Variants in LARP4B observed in about 807,000 individuals in gnomAD.
LARP4B encodes La ribonucleoprotein 4B, also known as la-related protein 4B.
LARP4B carries 12 observed loss-of-function variants against 89.8 expected under a neutral mutation model. That is an observed-to-expected ratio of 0.13 (90% CI 0.09 to 0.22). The LOEUF (loss-of-function observed/expected upper bound fraction) is 0.22, where lower values mean the gene tolerates loss of function less well. Among genes scored for constraint, LARP4B ranks in the 10% least tolerant of loss-of-function variants. The pLI, the probability that LARP4B is intolerant of heterozygous loss-of-function variation, is 1.00. For synonymous variants in LARP4B, 367 were observed against 363.3 expected (o/e 1.01, Z -0.12); for missense variants, 757 against 947.7 (o/e 0.80, Z 2.64).
At chr10:910,630 C>T (rs981828668) in intron 1 of LARP4B, among the ~76,000 whole-genome samples, 6 of 152,280 alleles carry the variant, frequency 3.9e-5, no homozygotes, top group Middle Eastern at 3.4e-3. Context: ...TGAAGAGTTC[C>T]GCAGACAACT....
intron 1 of LARP4B, among the ~76,000 whole-genome samples, chr10:902,470 T>C (rs1836370505): frequency 6.6e-6 from 1 of 152,164 alleles, no homozygotes. Flanking sequence ...AGTTGACAAC[T>C]ACATTAGGAG....
Position 822,301 on chromosome 10 carries a change from G to A in LARP4B, c.1485-1456C>T, listed in dbSNP as rs535817285. On this transcript the variant is annotated intron_variant, in intron 13 of 17. Coordinates refer to ENST00000316157, the MANE Select transcript of LARP4B (RefSeq NM_015155.3). This position sits in a 1 kb window ranked among gnomAD's most constrained non-coding sequence, Gnocchi z 4.6. ...CTTGCCCAGAGGCATTGCCCTGAGC[G>A]CTGGACAGAGGGACAGCAGCCACAT... is the stretch of plus-strand genomic sequence containing the variant. Among the ~76,000 whole-genome samples the A allele has an allele frequency of 3.9e-5, 6 of 152,330 alleles. No individual in the cohort carries two copies. Among genetic ancestry groups the A allele is most frequent in the East Asian group, 3.9e-4 (2 of 5,170 alleles).
chr10:870,024 C>T, intron 3 of LARP4B: 2 of 984,692 alleles, frequency 2.0e-6, no homozygotes, highest in Non-Finnish European at 2.4e-6. Context: ...AACTGTCCGT[C>T]TCTATCATGC....
intron 7 of LARP4B, 74 bp from the exon 8 acceptor site, chr10:836,580 A>G (rs1469926583): frequency 2.3e-6 from 2 of 851,536 alleles, no homozygotes; most frequent in African/African-American, 1.7e-5. Context: ...GTGTTACATT[A>G]TATTACTATA....
At chr10:815,110 C>A in intron 15 of LARP4B, 40 bp from the exon 16 acceptor site, 1 of 1,517,422 alleles carries the variant, frequency 6.6e-7, no homozygotes. Flanking sequence ...GTCCTGCCGG[C>A]ACTAAGCGGA....
chr10:987,515 C>T, the LARP4B span: 2 of 152,326 alleles, frequency 1.3e-5, no homozygotes, highest in South Asian at 2.1e-4. Context: ...TGCACAACCA[C>T]GGGGTGCTTT....
At chr10:956,131 A>G in the LARP4B span, among the ~76,000 whole-genome samples, 2 of 152,046 alleles carry the variant, frequency 1.3e-5, no homozygotes, top group Non-Finnish European at 2.9e-5. This position sits in a 1 kb window ranked among gnomAD's most constrained non-coding sequence, Gnocchi z 4.3. Context: ...CTGGGAGCTG[A>G]CTCAGATGGC....
At position 817,845 on chromosome 10, in the gene LARP4B, T is replaced by C; in HGVS notation, c.1575A>G (p.Pro525=). ...AGCTGGACAGCCCCAGCTCGAAGCTTGGCGACGGAGGCTTTGGTGGCGTTG... is the reference window on the plus strand; with the variant it reads ...AGCTGGACAGCCCCAGCTCGAAGCTCGGCGACGGAGGCTTTGGTGGCGTTG... ...QSPTPPKPPS[P]SFELGLSSFP... is the part of the protein sequence containing the mutation. Residue 525 remains proline (P), a synonymous_variant, in exon 15 of 18, where the codon CCA becomes CCG. Transcript: ENST00000316157. The C allele has an allele frequency of 6.2e-7, 1 of 1,614,168 alleles. No homozygotes were observed. Among genetic ancestry groups the C allele is most frequent in the Non-Finnish European group, 8.5e-7 (1 of 1,180,014 alleles).
intron 1 of LARP4B, among the ~76,000 whole-genome samples, chr10:922,080 CA>C (rs1343569590): frequency 6.6e-6 from 1 of 151,844 alleles, no homozygotes; most frequent in Admixed American, 6.6e-5. Flanking sequence ...GCGGAGGGGT[CA>C]GGGGGTGGGG....
intron 7 of LARP4B, 70 bp downstream of exon 7, chr10:842,857 AGATTT>A: frequency 2.2e-6 from 3 of 1,383,966 alleles, no homozygotes; most frequent in Non-Finnish European, 3.0e-6. Context: ...TGATGGCTAT[AGATTT>A]AAAGGTTCAT....
chr10:912,321 C>G (rs1314362319), intron 1 of LARP4B, among the ~76,000 whole-genome samples: 1 of 140,888 alleles, frequency 7.1e-6, no homozygotes, highest in Non-Finnish European at 1.6e-5. Flanking sequence ...AAAAAAATCG[C>G]AAAAAAAAAA....
chr10:972,900 G>A, the LARP4B span: 1 of 455,966 alleles, frequency 2.2e-6, no homozygotes, highest in African/African-American at 2.0e-5. Context: ...AGGGCTCGCT[G>A]CTGAGCCACA....
intron 1 of LARP4B, among the ~76,000 whole-genome samples, chr10:918,587 T>G (rs1836890286): frequency 7.9e-6 from 1 of 127,094 alleles, no homozygotes; most frequent in Non-Finnish European, 1.5e-5. Context: ...TAAGCCAAGA[T>G]CACGCCACTG....
intron 12 of LARP4B, 72 bp downstream of exon 12, chr10:825,692 A>G (rs1832581899): frequency 1.0e-6 from 1 of 988,032 alleles, no homozygotes; most frequent in Admixed American, 2.1e-5. Flanking sequence ...TAGTGATCAA[A>G]GCTCTCTCAT....
At chr10:862,478 G>A (rs1022306497) in intron 5 of LARP4B, among the ~76,000 whole-genome samples, 1 of 152,088 alleles carries the variant, frequency 6.6e-6, no homozygotes, top group Admixed American at 6.5e-5. Context: ...GAGGGGACAG[G>A]GACTGGTTAA....
In LARP4B at chr10:885,778, C is replaced by T; in HGVS notation, c.-39-18G>A. 1 of 1,318,706 alleles carries T rather than the reference C, an allele frequency of 7.6e-7. No homozygotes were observed. The highest frequency in any genetic ancestry group is 1.1e-6 in the Non-Finnish European group (1 of 919,450). 81.7% of individuals were successfully genotyped at this position (1,318,706 alleles called of 1,614,324 possible). A position where few individuals can be genotyped will look rare whatever the true frequency, so the allele number is the denominator to read the frequency against. On this transcript the variant is annotated intron_variant, in intron 1 of 17. Coordinates refer to ENST00000316157, the MANE Select transcript of LARP4B (RefSeq NM_015155.3). ...TCAGGATGCTGTAAAATGGCAAAGACATTAAACAGGTCATTTGAAGGGCAC... is the reference window on the plus strand; with the variant it reads ...TCAGGATGCTGTAAAATGGCAAAGATATTAAACAGGTCATTTGAAGGGCAC...
intron 8 of LARP4B, among the ~76,000 whole-genome samples, chr10:831,444 A>AG (rs1832901559): frequency 6.6e-6 from 1 of 152,208 alleles, no homozygotes; most frequent in African/African-American, 2.4e-5. Context: ...CGTGAACACG[A>AG]GTGTGATCCC....
At chr10:849,798 C>T (rs1219591486) in intron 5 of LARP4B, among the ~76,000 whole-genome samples, 1 of 152,188 alleles carries the variant, frequency 6.6e-6, no homozygotes, top group African/African-American at 2.4e-5. Flanking sequence ...TTTACCTTCT[C>T]AAACCCATTA....
intron 11 of LARP4B, 68 bp downstream of exon 11, chr10:829,317 G>A: frequency 7.5e-7 from 1 of 1,330,638 alleles, no homozygotes; most frequent in Non-Finnish European, 1.0e-6. Flanking sequence ...ATTAGATGAG[G>A]ATTTTAATCC....
Sources: allele counts gnomAD v4.1 joint callset (sites outside exome capture counted in the v4.1 genomes callset), GRCh38; gene constraint gnomAD v4.1.1; non-coding constraint Gnocchi (gnomAD v3.1); transcripts MANE v1.5; gene names NCBI Gene and HGNC (gene_info 2026-07-23, HGNC 2026-07-21).